ANK3: variants seen among roughly 807,000 people sequenced by gnomAD.
ANK3 encodes the protein ankyrin-3.
A neutral mutation model predicts 370.9 loss-of-function variants in ANK3; 57 were observed. The observed-to-expected ratio is 0.15, with a 90% confidence interval of 0.12 to 0.19. ANK3 has a LOEUF of 0.19. Ranked by LOEUF, ANK3 falls within the 10% of genes least tolerant of loss-of-function variation. ANK3 has a pLI of 1.00. For synonymous variants in ANK3, 1,929 were observed against 1,946.3 expected (o/e 0.99, Z 0.23); for missense variants, 4,439 against 5,302.1 (o/e 0.84, Z 5.06).
chr10:60,144,334 A>T, intron 23 of ANK3: 2 of 306,474 alleles, frequency 6.5e-6, no homozygotes, highest in South Asian at 5.4e-5. Flanking sequence ...GCATTAAATG[A>T]TGTGCATACA....
At chr10:60,112,223 T>C (rs982756367) in intron 26 of ANK3, among the ~76,000 whole-genome samples, 1 of 151,806 alleles carries the variant, frequency 6.6e-6, no homozygotes, top group Non-Finnish European at 1.5e-5. Context: ...CTTTGATTTG[T>C]AGAGAATACA....
At chr10:60,175,845 T>G (rs1479790530) in intron 18 of ANK3, among the ~76,000 whole-genome samples, 2 of 152,178 alleles carry the variant, frequency 1.3e-5, no homozygotes, top group African/African-American at 2.4e-5. Context: ...TACATTGGCT[T>G]ATGCATTATA....
intron 1 of ANK3, among the ~76,000 whole-genome samples, chr10:60,699,413 C>T (rs1211054159): frequency 6.6e-6 from 1 of 151,998 alleles, no homozygotes; most frequent in African/African-American, 2.4e-5. Context: ...TTAAGAAATG[C>T]ATTTCCAATA....
At chr10:60,733,177 C>T in intron 1 of ANK3, 1 of 1,180,226 alleles carries the variant, frequency 8.5e-7, no homozygotes, top group Non-Finnish European at 1.1e-6. Context: ...TCCTGGGGCC[C>T]CCCGGCCCGG....
At chr10:60,610,414 G>A (rs2078185104) in intron 2 of ANK3, among the ~76,000 whole-genome samples, 1 of 151,958 alleles carries the variant, frequency 6.6e-6, no homozygotes. Context: ...TCAGGAGGCT[G>A]AGACAGGAGA....
intron 12 of ANK3, among the ~76,000 whole-genome samples, chr10:60,200,470 C>T (rs2096655018): frequency 6.6e-6 from 1 of 152,286 alleles, no homozygotes; most frequent in East Asian, 1.9e-4. Flanking sequence ...TGCTCAGTAA[C>T]CTACAATGTG....
intron 24 of ANK3, chr10:60,138,589 C>A (rs2094446867): frequency 2.3e-6 from 1 of 435,758 alleles, no homozygotes. Context: ...ACAATCTATA[C>A]ACATATTTCT....
chr10:60,239,693 TG>T (rs1458824998), intron 7 of ANK3, among the ~76,000 whole-genome samples: 1 of 151,424 alleles, frequency 6.6e-6, no homozygotes, highest in Non-Finnish European at 1.5e-5. Context: ...GCTCTGGAAA[TG>T]GCAAAAAATG....
chr10:60,195,340 C>A (rs905048461), intron 16 of ANK3, among the ~76,000 whole-genome samples: 9 of 149,802 alleles, frequency 6.0e-5, no homozygotes, highest in South Asian at 2.1e-4. Context: ...GCCGAGATTG[C>A]GCCACTGCAC....
chr10:60,321,580 T>C (rs530426919), intron 1 of ANK3, among the ~76,000 whole-genome samples: 42 of 152,320 alleles, frequency 2.8e-4, no homozygotes, highest in African/African-American at 9.9e-4. Context: ...GAACTCTGCA[T>C]GTATTAGCTC....
At chr10:60,317,327 G>C (rs1375290115) in intron 1 of ANK3, among the ~76,000 whole-genome samples, 2 of 151,708 alleles carry the variant, frequency 1.3e-5, no homozygotes, top group African/African-American at 2.4e-5. Context: ...GTTTTGCCAC[G>C]ATAGCCAGAC....
chr10:60,585,759 C>T (rs1021069229), intron 2 of ANK3, among the ~76,000 whole-genome samples: 4 of 152,146 alleles, frequency 2.6e-5, no homozygotes, highest in Non-Finnish European at 5.9e-5. Context: ...TGCAGTGGCT[C>T]ACGTACGTAA....
intron 1 of ANK3, among the ~76,000 whole-genome samples, chr10:60,621,035 G>A (rs149881727): frequency 1.2e-3 from 189 of 152,308 alleles, no homozygotes; most frequent in African/African-American, 4.2e-3. Flanking sequence ...TCAAACCCAA[G>A]TCTGTCTTCA....
At chr10:60,632,589 T>C (rs2078499339) in intron 1 of ANK3, among the ~76,000 whole-genome samples, 1 of 151,670 alleles carries the variant, frequency 6.6e-6, no homozygotes, top group Non-Finnish European at 1.5e-5. Flanking sequence ...TCTTTACAAA[T>C]TTTTTTTTAA....
At chr10:60,183,254 C>G (rs2096246625) in intron 17 of ANK3, among the ~76,000 whole-genome samples, 1 of 152,128 alleles carries the variant, frequency 6.6e-6, no homozygotes, top group Non-Finnish European at 1.5e-5. Context: ...CATTTAAACT[C>G]TGTTTTCTTG....
chr10:60,563,977 C>T (rs2077400043), intron 2 of ANK3, among the ~76,000 whole-genome samples: 1 of 152,196 alleles, frequency 6.6e-6, no homozygotes, highest in Non-Finnish European at 1.5e-5. Flanking sequence ...AAAGAAAGTT[C>T]TAAGTGCACA....
chr10:60,456,339 A>G (rs1176097658), intron 2 of ANK3, among the ~76,000 whole-genome samples: 10 of 152,210 alleles, frequency 6.6e-5, no homozygotes, highest in Admixed American at 6.5e-4. Context: ...TCCTATCATT[A>G]GTCAAAAATA....
intron 1 of ANK3, among the ~76,000 whole-genome samples, chr10:60,302,711 A>T (rs574341433): frequency 6.6e-6 from 1 of 152,324 alleles, no homozygotes; most frequent in South Asian, 2.1e-4. Context: ...TTTAAAATAA[A>T]TTTGAATTAG....
chr10:60,213,441 G>T lies in ANK3; in HGVS notation c.967C>A (p.Arg323=). The change falls in exon 9 of 44, where the codon CGA becomes AGA. Residue 323 remains arginine (R), a synonymous_variant. Transcript: ENST00000280772. ...GTTTTTGAAAGAATGGGGGCAGCTC[G>T]ATCAAGCAACATTTCTACCACCTGC... ...HEQVVEMLLD[R]AAPILSKTKN... The T allele has an allele frequency of 6.2e-7, 1 of 1,612,468 alleles. No individual in the cohort carries two copies. The highest frequency in any genetic ancestry group is 1.7e-5 in the Admixed American group (1 of 59,790).
Sources: gnomAD v4.1 joint callset for allele counts (sites outside exome capture counted in the v4.1 genomes callset) on GRCh38, gnomAD v4.1.1 for gene constraint, MANE v1.5 for transcripts, NCBI Gene and HGNC (gene_info 2026-07-23, HGNC 2026-07-21) for gene names.